Variants in ATOSA observed in about 807,000 individuals in gnomAD.
ATOSA encodes the protein atos homolog A.
chr15:52,644,003 T>C, the ATOSA span, among the ~76,000 whole-genome samples: 1 of 152,114 alleles, frequency 6.6e-6, no homozygotes, highest in African/African-American at 2.4e-5. Flanking sequence ...TATTATTTGG[T>C]AGAGTTTTAA....
the ATOSA span, among the ~76,000 whole-genome samples, chr15:52,612,321 GT>G: frequency 6.6e-6 from 1 of 151,998 alleles, no homozygotes; most frequent in Non-Finnish European, 1.5e-5. Context: ...TTCTTGAGGA[GT>G]GTATCTTTGC....
the ATOSA span, among the ~76,000 whole-genome samples, chr15:52,671,209 A>G: frequency 1.3e-5 from 2 of 152,208 alleles, no homozygotes; most frequent in Non-Finnish European, 1.5e-5. Context: ...ATTCAATAAG[A>G]TATGATTAAT....
the ATOSA span, chr15:52,593,631 C>T: frequency 6.4e-7 from 1 of 1,569,704 alleles, no homozygotes; most frequent in Non-Finnish European, 8.6e-7. Context: ...GACACTTCAA[C>T]TGGAAGAGTC....
the ATOSA span, among the ~76,000 whole-genome samples, chr15:52,597,457 T>C: frequency 3.3e-5 from 5 of 152,224 alleles, no homozygotes; most frequent in African/African-American, 1.2e-4. Flanking sequence ...ACTCTTGATA[T>C]GCAGGACAAC....
chr15:52,667,615 T>C, the ATOSA span, among the ~76,000 whole-genome samples: 1 of 152,210 alleles, frequency 6.6e-6, no homozygotes, highest in African/African-American at 2.4e-5. Context: ...CCAATTTCCA[T>C]GGTATAAATA....
chr15:52,701,622 T>C, the ATOSA span, among the ~76,000 whole-genome samples: 2 of 152,160 alleles, frequency 1.3e-5, no homozygotes, highest in African/African-American at 4.8e-5. Flanking sequence ...ATTATACTAA[T>C]AGAAGAAAAC....
At chr15:52,644,214 C>T in the ATOSA span, among the ~76,000 whole-genome samples, 4 of 151,924 alleles carry the variant, frequency 2.6e-5, no homozygotes, top group East Asian at 1.9e-4. Flanking sequence ...TGAGTCACTG[C>T]GCCTGGCCTA....
chr15:52,703,148 T>C, the ATOSA span, among the ~76,000 whole-genome samples: 2 of 152,100 alleles, frequency 1.3e-5, no homozygotes, highest in Admixed American at 1.3e-4. Flanking sequence ...AGAAACCAGA[T>C]AAAAGAGTAC....
chr15:52,669,125 G>A, the ATOSA span, among the ~76,000 whole-genome samples: 1 of 151,974 alleles, frequency 6.6e-6, no homozygotes, highest in South Asian at 2.1e-4. Flanking sequence ...TTTCACCATT[G>A]TTAGCCAGGA....
the ATOSA span, chr15:52,609,161 G>C: frequency 6.2e-7 from 1 of 1,613,406 alleles, no homozygotes; most frequent in Non-Finnish European, 8.5e-7. Context: ...TTCTGACACT[G>C]ATTTCTTGTT....
chr15:52,640,234 T>C, the ATOSA span, among the ~76,000 whole-genome samples: 1 of 152,014 alleles, frequency 6.6e-6, no homozygotes, highest in African/African-American at 2.4e-5. Flanking sequence ...ATCTAAAGTG[T>C]CAATTTTAAG....
the ATOSA span, among the ~76,000 whole-genome samples, chr15:52,615,676 A>G: frequency 4.6e-5 from 7 of 152,198 alleles, no homozygotes; most frequent in Admixed American, 4.6e-4. Flanking sequence ...CAGCTTCAGG[A>G]AGGCTTATCA....
chr15:52,597,824 T>C, the ATOSA span, among the ~76,000 whole-genome samples: 2 of 152,176 alleles, frequency 1.3e-5, no homozygotes, highest in African/African-American at 2.4e-5. Context: ...TTGGGCCACA[T>C]GTAAAATATA....
At chr15:52,682,197 A>ATTATACT in the ATOSA span, among the ~76,000 whole-genome samples, 1 of 152,132 alleles carries the variant, frequency 6.6e-6, no homozygotes, top group Admixed American at 6.6e-5. Context: ...ACACATTTTC[A>ATTATACT]TTATACTTTT....
chr15:52,582,223 G>A, the ATOSA span: 28 of 1,602,410 alleles, frequency 1.7e-5, no homozygotes, highest in Non-Finnish European at 2.0e-5. Context: ...ATGCAGCACC[G>A]CTATCAACCT....
chr15:52,606,021 C>T, the ATOSA span, among the ~76,000 whole-genome samples: 1 of 152,020 alleles, frequency 6.6e-6, no homozygotes, highest in East Asian at 1.9e-4. Flanking sequence ...GTCTTTCTCT[C>T]TTTCAAAGTA....
chr15:52,602,019 T>C, the ATOSA span, among the ~76,000 whole-genome samples: 1 of 152,172 alleles, frequency 6.6e-6, no homozygotes, highest in Admixed American at 6.5e-5. Flanking sequence ...AATATTGCAT[T>C]TTCTTATTCT....
At chr15:52,600,280 CTTTTT>C in the ATOSA span, 1 of 1,113,948 alleles carries the variant, frequency 9.0e-7, no homozygotes, top group Non-Finnish European at 1.3e-6. Context: ...AGCCACAATA[CTTTTT>C]TTTTTAATCT....
the ATOSA span, chr15:52,610,407 G>A: frequency 1.3e-6 from 2 of 1,570,162 alleles, no homozygotes; most frequent in Non-Finnish European, 1.7e-6. Flanking sequence ...GAAAAATACT[G>A]TATTATTGGA....
Sources: gnomAD v4.1 joint callset for allele counts (sites outside exome capture counted in the v4.1 genomes callset) on GRCh38, gnomAD v4.1.1 for gene constraint, MANE v1.5 for transcripts, NCBI Gene and HGNC (gene_info 2026-07-23, HGNC 2026-07-21) for gene names.